The following PDLIM5 variants were observed in gnomAD, a reference collection of about 807,000 sequenced individuals.
PDLIM5 encodes the protein PDZ and LIM domain protein 5.
In PDLIM5, 34 loss-of-function variants were observed where a neutral mutation model predicts 64.2. That is an observed-to-expected ratio of 0.53 (90% CI 0.40 to 0.71). The LOEUF (loss-of-function observed/expected upper bound fraction) is 0.71, where lower values mean the gene tolerates loss of function less well. Ranked by LOEUF, PDLIM5 falls within the 30% of genes least tolerant of loss-of-function variation. The probability of loss-of-function intolerance (pLI) is 0.00; values close to 1 mark genes in which losing one functional copy is unlikely to be tolerated. For synonymous variants in PDLIM5, 253 were observed against 269.1 expected (o/e 0.94, Z 0.59); for missense variants, 683 against 733.6 (o/e 0.93, Z 0.80).
chr4:94,664,370 T>A lies in PDLIM5; in HGVS notation c.*303T>A, dbSNP rs1742960853. ...GAATAAATTAGTGAAGAATTTAATT[T>A]TAGAATAAATAATCCAATCTGAAAT... On this transcript the variant is annotated 3_prime_UTR_variant, in exon 13 of 13. Transcript: ENST00000317968. 1 of 710,768 alleles carries A rather than the reference T, an allele frequency of 1.4e-6. No individual in the cohort carries two copies. The highest frequency in any genetic ancestry group is 1.7e-6 in the Non-Finnish European group (1 of 575,454). The allele number at this position is 710,768 out of a possible 1,614,324, so 44.0% of individuals were successfully genotyped here.
chr4:94,582,635 G>T, intron 5 of PDLIM5: 2 of 797,254 alleles, frequency 2.5e-6, no homozygotes, highest in Non-Finnish European at 4.2e-6. Flanking sequence ...TCCCCTCTTT[G>T]TCTGTTGTTC....
At chr4:94,501,897 G>C (rs1217821342) in intron 2 of PDLIM5, among the ~76,000 whole-genome samples, 1 of 152,192 alleles carries the variant, frequency 6.6e-6, no homozygotes, top group Non-Finnish European at 1.5e-5. Flanking sequence ...AAACTCAGAA[G>C]GCTGACTTCT....
At chr4:94,517,741 T>C (rs1028539630) in intron 2 of PDLIM5, among the ~76,000 whole-genome samples, 3 of 152,216 alleles carry the variant, frequency 2.0e-5, no homozygotes, top group Non-Finnish European at 4.4e-5. Context: ...TTTCCAAGCA[T>C]TCCATATTTG....
Position 94,654,568 on chromosome 4 carries a change from C to A in PDLIM5, c.1392C>A (p.Ala464=). 6.2e-7 allele frequency: 1 copy of A among 1,612,050 alleles called. No homozygotes were observed. Among genetic ancestry groups the A allele is most frequent in the Non-Finnish European group, 8.5e-7 (1 of 1,178,250 alleles). The part of the protein sequence containing the change: ...AYIGFVEEKG[A]LYCELCYEKF... ...TTGGATTTGTAGAGGAGAAAGGAGC[C>A]CTGTATTGTGAGCTGTGCTATGAGA... Residue 464 remains alanine, a synonymous_variant, in exon 10 of 13, where the codon GCC becomes GCA. Transcript: ENST00000317968.
intron 5 of PDLIM5, chr4:94,579,292 T>A (rs536709506): frequency 2.7e-5 from 8 of 296,282 alleles, no homozygotes; most frequent in African/African-American, 1.5e-4. Flanking sequence ...ATTGCTGTTT[T>A]GCATCAAGTA....
chr4:94,664,524 A>G lies in PDLIM5; in HGVS notation c.*457A>G. 5 of 740,302 alleles carry G rather than the reference A, an allele frequency of 6.8e-6. No individual in the cohort carries two copies. The highest frequency in any genetic ancestry group is 8.2e-6 in the Non-Finnish European group (5 of 606,590). 45.9% of individuals were successfully genotyped at this position (740,302 alleles called of 1,614,324 possible). A position where few individuals can be genotyped will look rare whatever the true frequency, so the allele number is the denominator to read the frequency against. On this transcript the variant is annotated 3_prime_UTR_variant, in exon 13 of 13. Coordinates refer to ENST00000317968, the MANE Select transcript of PDLIM5 (RefSeq NM_006457.5). ...AACTAATACTTATCTTTAAAATAGT[A>G]AATAGGATTTTAAACAGAGAATTTT...
rs529347442 is a variant in PDLIM5 at position 94,665,685 on chromosome 4, T to G, written c.*1618T>G. 9.2e-7 allele frequency: 1 copy of G among 1,086,360 alleles called. No homozygotes were observed. The highest frequency in any genetic ancestry group is 4.1e-5 in the South Asian group (1 of 24,682). The allele number at this position is 1,086,360 out of a possible 1,614,324, so 67.3% of individuals were successfully genotyped here. A position where few individuals can be genotyped will look rare whatever the true frequency, so the allele number is the denominator to read the frequency against. On this transcript the variant is annotated 3_prime_UTR_variant, in exon 13 of 13. Transcript: ENST00000317968. ...CTCTTTGCAGAATGATCTTTTTGTT[T>G]CGTTTTGTTTCTTCTTCTGCATTTA...
chr4:94,559,657 A>T (rs911790186), intron 3 of PDLIM5, among the ~76,000 whole-genome samples: 3 of 152,256 alleles, frequency 2.0e-5, no homozygotes, highest in African/African-American at 7.2e-5. Context: ...AACAAAGATT[A>T]TAATGCAAGT....
chr4:94,488,066 A>G, intron 2 of PDLIM5, among the ~76,000 whole-genome samples: 1 of 152,160 alleles, frequency 6.6e-6, no homozygotes, highest in African/African-American at 2.4e-5. Flanking sequence ...TTGTGTTAAT[A>G]TTATGGTGCT....
chr4:94,596,970 A>C (rs1223242504), intron 7 of PDLIM5, among the ~76,000 whole-genome samples: 2 of 152,074 alleles, frequency 1.3e-5, no homozygotes, highest in African/African-American at 4.8e-5. Flanking sequence ...CCAACTCTGT[A>C]ATAGGTGTTC....
intron 8 of PDLIM5, among the ~76,000 whole-genome samples, chr4:94,638,057 C>T (rs1016550312): frequency 1.3e-5 from 2 of 152,076 alleles, no homozygotes; most frequent in South Asian, 2.1e-4. Flanking sequence ...AGCATCTAGG[C>T]GTTCTTGGCA....
In PDLIM5 at chr4:94,666,189, A is replaced by G. The variant is rs146120619; in HGVS notation, c.*2122A>G. On this transcript the variant is annotated 3_prime_UTR_variant, in exon 13 of 13. Transcript: ENST00000317968. ...GTTATAGAGGAGGTTTTAGGCTACA[A>G]TATTTGTTTAACCTCCCTAAGAACT... 2,264 of 566,770 alleles carry G rather than the reference A, an allele frequency of 4.0e-3. 33 individuals carry two copies. The highest frequency in any genetic ancestry group is 0.038 in the African/African-American group (2,013 of 52,644). 35.1% of individuals were successfully genotyped at this position (566,770 alleles called of 1,614,324 possible).
At chr4:94,487,377 A>G (rs1726444267) in intron 2 of PDLIM5, among the ~76,000 whole-genome samples, 1 of 152,222 alleles carries the variant, frequency 6.6e-6, no homozygotes, top group African/African-American at 2.4e-5. Flanking sequence ...TTTCAATGTA[A>G]TTTGAGTGTA....
At chr4:94,624,770 T>G (rs1286664735) in intron 8 of PDLIM5, among the ~76,000 whole-genome samples, 1 of 152,198 alleles carries the variant, frequency 6.6e-6, no homozygotes, top group Non-Finnish European at 1.5e-5. Flanking sequence ...TAGTTCAGTA[T>G]GTTTAAGACT....
chr4:94,622,303 A>C lies in PDLIM5; in HGVS notation c.1108+4112A>C, dbSNP rs539630981. On this transcript the variant is annotated intron_variant, in intron 8 of 12. Coordinates refer to ENST00000317968, the MANE Select transcript of PDLIM5 (RefSeq NM_006457.5). ...CTGTTTAAATTATGGATAGCAGCTT[A>C]GGTAAATTTAGTTCATTAGATACAA... 2.0e-5 allele frequency among the ~76,000 whole-genome samples: 3 copies of C among 151,748 alleles called. No individual in the cohort carries two copies. In the East Asian group the frequency reaches 5.8e-4, roughly 29 times the overall value.
rs2110513330 is a variant in PDLIM5, at chr4:94,664,342, T to G, written c.*275T>G. On this transcript the variant is annotated 3_prime_UTR_variant, in exon 13 of 13. Coordinates refer to ENST00000317968, the MANE Select transcript of PDLIM5 (RefSeq NM_006457.5). Reference sequence around the variant, plus strand: ...TTCCTGATGGACTATTAAATTCATCTTAGAATAAATTAGTGAAGAATTTAA... The same window carrying G: ...TTCCTGATGGACTATTAAATTCATCGTAGAATAAATTAGTGAAGAATTTAA... 1.3e-5 allele frequency: 9 copies of G among 688,642 alleles called. No individual in the cohort carries two copies. The highest frequency in any genetic ancestry group is 1.6e-5 in the Non-Finnish European group (9 of 550,750). The allele number at this position is 688,642 out of a possible 1,614,324, so 42.7% of individuals were successfully genotyped here. A position where few individuals can be genotyped will look rare whatever the true frequency, so the allele number is the denominator to read the frequency against.
chr4:94,608,352 T>G (rs1738096187), intron 7 of PDLIM5, among the ~76,000 whole-genome samples: 1 of 152,230 alleles, frequency 6.6e-6, no homozygotes, highest in African/African-American at 2.4e-5. Context: ...GCTTTTATAT[T>G]TTTATTTTTG....
intron 10 of PDLIM5, chr4:94,656,867 C>T (rs1056426010): frequency 6.6e-6 from 1 of 151,852 alleles, no homozygotes; most frequent in East Asian, 1.9e-4. Context: ...ATCTCCTGAA[C>T]TCGTGATCCG....
At chr4:94,634,888 T>C (rs902813354) in intron 8 of PDLIM5, among the ~76,000 whole-genome samples, 1 of 152,226 alleles carries the variant, frequency 6.6e-6, no homozygotes, top group African/African-American at 2.4e-5. Flanking sequence ...CAACTCTGTA[T>C]ATTGTGGATT....
Sources: allele counts gnomAD v4.1 joint callset (sites outside exome capture counted in the v4.1 genomes callset), GRCh38; gene constraint gnomAD v4.1.1; transcripts MANE v1.5; gene names NCBI Gene and HGNC (gene_info 2026-07-23, HGNC 2026-07-21).